Variants in SOX6 observed in about 807,000 individuals in gnomAD.
The protein encoded by SOX6 is SRY-box transcription factor 6.
Under a neutral mutation model 97.8 loss-of-function variants are expected in SOX6, and 11 were observed. The observed-to-expected ratio is 0.11, with a 90% CI of 0.07 to 0.19. SOX6 has a LOEUF of 0.19. SOX6 is among the 10% of genes least tolerant of loss of function. The pLI is 1.00. For missense variants in SOX6, 810 were observed against 1,039.5 expected, an observed-to-expected ratio of 0.78 and a Z score of 3.04; for synonymous variants, 360 against 371.4, an observed-to-expected ratio of 0.97 and a Z score of 0.35.
chr11:16,639,546 A>G (rs1848858171), intron 3 of SOX6, among the ~76,000 whole-genome samples: 1 of 152,190 alleles, frequency 6.6e-6, no homozygotes, highest in Non-Finnish European at 1.5e-5. Flanking sequence ...CCTACCCATG[A>G]GCATGGAGTG....
At chr11:16,358,294 C>A (rs1373333580), upstream of SOX6, among the ~76,000 whole-genome samples, 1 of 152,130 alleles carries the variant, frequency 6.6e-6, no homozygotes, top group East Asian at 1.9e-4. Flanking sequence ...CATTCTCCTG[C>A]CATCAACGAC....
intron 3 of SOX6, among the ~76,000 whole-genome samples, chr11:16,648,818 T>A (rs982369952): frequency 2.1e-4 from 32 of 152,182 alleles, no homozygotes; most frequent in African/African-American, 7.7e-4. Flanking sequence ...ACTAAGCTAC[T>A]CAAGGAGATA....
intron 3 of SOX6, among the ~76,000 whole-genome samples, chr11:16,266,944 T>C (rs1854098435): frequency 6.6e-6 from 1 of 151,396 alleles, no homozygotes; most frequent in Middle Eastern, 3.2e-3. Flanking sequence ...TAAATATACA[T>C]GGCAGTCTCT....
At chr11:16,523,079 A>G (rs1352534539) in intron 4 of SOX6, among the ~76,000 whole-genome samples, 3 of 152,054 alleles carry the variant, frequency 2.0e-5, no homozygotes, top group Non-Finnish European at 2.9e-5. Context: ...CAACAACACA[A>G]AAAGTTAACA....
chr11:16,602,726 A>G (rs1848285217), intron 4 of SOX6, among the ~76,000 whole-genome samples: 1 of 152,094 alleles, frequency 6.6e-6, no homozygotes, highest in South Asian at 2.1e-4. Flanking sequence ...GCTGCCATAG[A>G]AAAGCTAACC....
At chr11:16,500,901 T>C (rs1860695837) in intron 4 of SOX6, among the ~76,000 whole-genome samples, 1 of 152,080 alleles carries the variant, frequency 6.6e-6, no homozygotes, top group African/African-American at 2.4e-5. Context: ...AATTTATAGA[T>C]TCAATGCTAT....
chr11:16,063,487 A>G (rs537760578), intron 9 of SOX6, among the ~76,000 whole-genome samples: 1 of 117,284 alleles, frequency 8.5e-6, no homozygotes, highest in Admixed American at 9.4e-5. Flanking sequence ...AACTATATTT[A>G]CCATAATTTT....
chr11:16,523,871 T>C (rs1565171569), intron 4 of SOX6, among the ~76,000 whole-genome samples: 1 of 152,110 alleles, frequency 6.6e-6, no homozygotes, highest in Non-Finnish European at 1.5e-5. Flanking sequence ...GCAAACAAAC[T>C]AGAAAATCTA....
chr11:16,112,375 G>C (rs1849251629), intron 6 of SOX6, among the ~76,000 whole-genome samples: 1 of 152,034 alleles, frequency 6.6e-6, no homozygotes, highest in Admixed American at 6.6e-5. Context: ...TATTCTAAAA[G>C]CTGTATCTCC....
At chr11:16,230,843 A>G in intron 4 of SOX6, among the ~76,000 whole-genome samples, 1 of 151,742 alleles carries the variant, frequency 6.6e-6, no homozygotes, top group East Asian at 1.9e-4. Context: ...ATAAAAGTTT[A>G]GATGGAAAAA....
intron 4 of SOX6, among the ~76,000 whole-genome samples, chr11:16,581,960 CAAAAA>C (rs35137027): frequency 9.4e-6 from 1 of 106,494 alleles, no homozygotes; most frequent in Non-Finnish European, 2.0e-5. Flanking sequence ...GACTCCATCT[CAAAAA>C]AAAAAAAAAA....
intron 4 of SOX6, among the ~76,000 whole-genome samples, chr11:16,204,484 A>G (rs931533507): frequency 6.6e-6 from 1 of 152,076 alleles, no homozygotes; most frequent in African/African-American, 2.4e-5. Context: ...AGTGTTTTCC[A>G]ATTTGAACTT....
At chr11:16,213,848 A>G (rs1852294395) in intron 4 of SOX6, among the ~76,000 whole-genome samples, 1 of 152,208 alleles carries the variant, frequency 6.6e-6, no homozygotes, top group African/African-American at 2.4e-5. Context: ...TCTTGTTTTC[A>G]GAAAGCTCAC....
intron 1 of SOX6, among the ~76,000 whole-genome samples, chr11:16,409,078 C>T (rs1858742445): frequency 2.0e-5 from 3 of 152,210 alleles, no homozygotes; most frequent in South Asian, 2.1e-4. Context: ...TTAACACCTT[C>T]TCTGATGATC....
chr11:16,132,365 A>AGAAG (rs1849792015), intron 6 of SOX6, among the ~76,000 whole-genome samples: 1 of 88,588 alleles, frequency 1.1e-5, no homozygotes, highest in African/African-American at 5.0e-5. Context: ...AAAGAAAGAA[A>AGAAG]GAAAGAAAGA....
intron 4 of SOX6, among the ~76,000 whole-genome samples, chr11:16,550,583 A>G (rs1473362060): frequency 1.3e-5 from 2 of 152,154 alleles, no homozygotes; most frequent in South Asian, 4.1e-4. Context: ...AGTGAATTTC[A>G]TTGCTCTAAA....
At chr11:16,127,413 T>C (rs1279950818) in intron 6 of SOX6, among the ~76,000 whole-genome samples, 1 of 152,070 alleles carries the variant, frequency 6.6e-6, no homozygotes, top group Admixed American at 6.6e-5. Flanking sequence ...TTAAAGTCTT[T>C]ACCTACATCT....
chr11:16,097,357 T>C (rs572047028), intron 8 of SOX6, among the ~76,000 whole-genome samples: 4 of 151,864 alleles, frequency 2.6e-5, no homozygotes, highest in Non-Finnish European at 4.4e-5. Context: ...GCCATTGAAA[T>C]TGTAAAACTA....
chr11:16,055,730 C>A (rs1292718153), intron 10 of SOX6, 22 bp downstream of exon 10: 1 of 1,613,422 alleles, frequency 6.2e-7, no homozygotes, highest in Non-Finnish European at 8.5e-7. Context: ...ACTGTTTCCA[C>A]AATGCTGCAA....
Sources: gnomAD v4.1 joint callset for allele counts (sites outside exome capture counted in the v4.1 genomes callset) on GRCh38, gnomAD v4.1.1 for gene constraint, MANE v1.5 for transcripts, NCBI Gene and HGNC (gene_info 2026-07-23, HGNC 2026-07-21) for gene names.